COL5A1: variants seen among roughly 807,000 people sequenced by gnomAD.
COL5A1 encodes collagen type V alpha 1 chain, also known as collagen alpha-1(V) chain.
COL5A1 carries 16 observed loss-of-function variants against 263.7 expected under a neutral mutation model. The ratio of observed to expected loss-of-function variants is 0.06; its 90% CI spans 0.04 to 0.09. The LOEUF (loss-of-function observed/expected upper bound fraction) is 0.09. COL5A1 is among the 10% of genes least tolerant of loss of function. COL5A1 has a pLI of 1.00. For missense variants in COL5A1, 2,036 were observed against 2,540.5 expected, an observed-to-expected ratio of 0.80 and a Z score of 4.27; for synonymous variants, 1,012 against 1,004.5, an observed-to-expected ratio of 1.01 and a Z score of -0.14.
intron 2 of COL5A1, among the ~76,000 whole-genome samples, chr9:134,695,483 C>T (rs1366989609): frequency 6.6e-6 from 1 of 152,208 alleles, no homozygotes; most frequent in Non-Finnish European, 1.5e-5. Flanking sequence ...AACAGGGTGC[C>T]AGCTGCAGGG....
At chr9:134,832,897 TCCTGCAGTGTGTTCAC>T (rs1177264159) in intron 64 of COL5A1, 1 of 152,220 alleles carries the variant, frequency 6.6e-6, no homozygotes, top group African/African-American at 2.4e-5. Flanking sequence ...AAAAAGTGGG[TCCTGCAGTGTGTTCAC>T]CCTCTTCCCA....
intron 33 of COL5A1, 43 bp downstream of exon 33, chr9:134,795,169 G>A (rs767066687): frequency 5.0e-6 from 8 of 1,613,770 alleles, no homozygotes; most frequent in South Asian, 2.2e-5. Context: ...GGAAACGGGA[G>A]CATGGTTTAG....
chr9:134,747,842 C>T (rs1357935588), intron 11 of COL5A1, among the ~76,000 whole-genome samples: 3 of 150,404 alleles, frequency 2.0e-5, no homozygotes, highest in South Asian at 2.1e-4. Context: ...CATGCAGACA[C>T]ATGCACACAT....
chr9:134,760,642 TAC>T (rs1365163820), intron 18 of COL5A1, among the ~76,000 whole-genome samples: 2 of 59,724 alleles, frequency 3.3e-5, no homozygotes, highest in African/African-American at 8.2e-5. Context: ...CCCACACTCA[TAC>T]ACTCATGCAC....
chr9:134,787,034 G>T (rs1161512439), intron 31 of COL5A1, among the ~76,000 whole-genome samples: 1 of 152,246 alleles, frequency 6.6e-6, no homozygotes, highest in African/African-American at 2.4e-5. Flanking sequence ...GTAGCTTGCT[G>T]TGAAACAGGA....
chr9:134,723,365 C>T (rs1834536696), intron 4 of COL5A1, among the ~76,000 whole-genome samples: 1 of 152,180 alleles, frequency 6.6e-6, no homozygotes. Flanking sequence ...TACGTGGCGG[C>T]CAGGGACGCC....
At chr9:134,701,785 A>G (rs552538391) in intron 4 of COL5A1, among the ~76,000 whole-genome samples, 1 of 152,044 alleles carries the variant, frequency 6.6e-6, no homozygotes, top group East Asian at 1.9e-4. Flanking sequence ...TGCCGACCCA[A>G]CTCGGGCTGG....
intron 1 of COL5A1, among the ~76,000 whole-genome samples, chr9:134,654,328 T>G (rs1014165220): frequency 6.2e-3 from 226 of 36,528 alleles, no homozygotes; most frequent in East Asian, 9.7e-3. Flanking sequence ...AGGGCTGGGG[T>G]GTGTGTAGGG....
intron 1 of COL5A1, among the ~76,000 whole-genome samples, chr9:134,690,044 C>A (rs1030195183): frequency 3.3e-5 from 5 of 152,048 alleles, no homozygotes; most frequent in Non-Finnish European, 7.4e-5. Flanking sequence ...CAGATGGGGC[C>A]GTCTTTTGTG....
At chr9:134,752,153 T>G (rs1192052232) in intron 13 of COL5A1, among the ~76,000 whole-genome samples, 2 of 152,054 alleles carry the variant, frequency 1.3e-5, no homozygotes, top group African/African-American at 4.8e-5. Context: ...TGGCTGGGAG[T>G]GCTTGAAGCG....
intron 37 of COL5A1, among the ~76,000 whole-genome samples, chr9:134,800,606 A>G (rs376148182): frequency 5.3e-5 from 8 of 152,184 alleles, no homozygotes; most frequent in East Asian, 3.9e-4. Context: ...TTAGCCAGGC[A>G]TGGTGGCAGG....
intron 18 of COL5A1, among the ~76,000 whole-genome samples, chr9:134,760,739 C>G (rs549757887): frequency 1.4e-5 from 2 of 142,294 alleles, no homozygotes; most frequent in African/African-American, 5.4e-5. Flanking sequence ...ACACACACCA[C>G]ACATGCACAC....
chr9:134,719,436 GCACA>G (rs1383044994), intron 4 of COL5A1, among the ~76,000 whole-genome samples: 1 of 152,254 alleles, frequency 6.6e-6, no homozygotes, highest in Non-Finnish European at 1.5e-5. Context: ...ACGTATGTAT[GCACA>G]CACACAGTGA....
intron 18 of COL5A1, among the ~76,000 whole-genome samples, chr9:134,759,267 C>A (rs1412028901): frequency 9.3e-6 from 1 of 107,546 alleles, no homozygotes; most frequent in Non-Finnish European, 1.7e-5. Flanking sequence ...CGCGCACACA[C>A]TCATACACAC....
chr9:134,795,085 A>G lies in COL5A1; in HGVS notation c.2704A>G (p.Thr902Ala), dbSNP rs755710266. ...GANGEKGGRG[T>A]PGKPGPRGQR... The stretch of plus-strand genomic sequence containing the variant: ...CCAGCCCCTTCTCTGATTCTAGGGG[A>G]CCCCTGGAAAGCCAGGACCGCGGGG... The change falls in exon 33 of 66, where the codon ACC becomes GCC. Residue 902 changes from threonine (T) to alanine (A), a missense_variant. Thr to Ala is a moderately conservative substitution (Grantham distance 58). This residue lies in a region of COL5A1 where 1,078 missense variants were observed against 1,521.4 expected (regional missense o/e 0.71). Transcript: ENST00000371817. 1 of 1,613,898 alleles carries G rather than the reference A, an allele frequency of 6.2e-7. No homozygotes were observed. The highest frequency in any genetic ancestry group is 1.7e-5 in the Admixed American group (1 of 60,008).
chr9:134,816,892 C>A (rs1304433450), intron 52 of COL5A1, 134 bp from the exon 53 acceptor site: 11 of 810,090 alleles, frequency 1.4e-5, no homozygotes, highest in Non-Finnish European at 2.3e-5. Context: ...ACCCTCTGTG[C>A]TAGCCCCAAA....
chr9:134,697,349 A>C (rs1833516329), intron 2 of COL5A1, among the ~76,000 whole-genome samples: 1 of 152,162 alleles, frequency 6.6e-6, no homozygotes, highest in South Asian at 2.1e-4. Context: ...AAAATTTGTT[A>C]CCATAGAGAT....
rs186882754 is a variant in COL5A1 at position 134,648,544 on chromosome 9, A to G, written c.109+6248A>G. ...TCCCACCCTGTGCCTCACTTTCCCC[A>G]TCTGTAAGAAGGGGGTGGTGACTGT... On this transcript the variant is annotated intron_variant, in intron 1 of 65. Transcript: ENST00000371817. Among the ~76,000 whole-genome samples, 5 of 152,024 alleles carry G rather than the reference A, an allele frequency of 3.3e-5. No individual in the cohort carries two copies. In the East Asian group the frequency reaches 9.7e-4, roughly 29 times the overall value.
Position 134,841,837 on chromosome 9 carries a change from G to A in COL5A1, c.5371-320G>A, listed in dbSNP as rs1466608328. Among the ~76,000 whole-genome samples, 1 of 152,134 alleles carries A rather than the reference G, an allele frequency of 6.6e-6. No individual in the cohort carries two copies. The highest frequency in any genetic ancestry group is 2.4e-5 in the African/African-American group (1 of 41,436). On this transcript the variant is annotated intron_variant, in intron 65 of 65. Transcript: ENST00000371817. The surrounding 1 kb of genome is among the most constrained non-coding windows in gnomAD (Gnocchi z 4.8). ...ATCACAAGGAGTCTGGACTGGGCACGGTGGGAAGGCTGATCAGCTTCAATC... is the reference window on the plus strand; with the variant it reads ...ATCACAAGGAGTCTGGACTGGGCACAGTGGGAAGGCTGATCAGCTTCAATC...
Sources: allele counts gnomAD v4.1 joint callset (sites outside exome capture counted in the v4.1 genomes callset), GRCh38; gene constraint gnomAD v4.1.1; regional missense constraint gnomAD v4.1.1; non-coding constraint Gnocchi (gnomAD v3.1); transcripts MANE v1.5; gene names NCBI Gene and HGNC (gene_info 2026-07-23, HGNC 2026-07-21).